Variants in CDHR3 observed in about 807,000 individuals in gnomAD.
The protein encoded by CDHR3 is cadherin-related family member 3.
A neutral mutation model predicts 86.6 loss-of-function variants in CDHR3; 79 were observed. The observed-to-expected ratio is 0.91, with a 90% CI of 0.76 to 1.10. The LOEUF is 1.10. CDHR3 is among the 50% of genes least tolerant of loss of function. The pLI, the probability that CDHR3 is intolerant of heterozygous loss-of-function variation, is 0.00. For synonymous variants in CDHR3, 421 were observed against 402.4 expected, an observed-to-expected ratio of 1.05 and a Z score of -0.55; for missense variants, 1,081 against 1,077.6, an observed-to-expected ratio of 1.00 and a Z score of -0.04.
intron 4 of CDHR3, among the ~76,000 whole-genome samples, chr7:105,988,870 C>T (rs1188606660): frequency 6.6e-6 from 1 of 152,210 alleles, no homozygotes; most frequent in Non-Finnish European, 1.5e-5. Flanking sequence ...AATATTTCAG[C>T]ATAGTCAACA....
At position 105,996,337 on chromosome 7, in the gene CDHR3, A is replaced by C. The variant is rs1257723984; in HGVS notation, c.696A>C (p.Glu232Asp). The change falls in exon 6 of 19, where the codon GAA becomes GAC. Residue 232 changes from glutamate to aspartate, a missense_variant. By Grantham distance (45) the Glu-to-Asp change is conservative. Coordinates refer to ENST00000317716, the MANE Select transcript of CDHR3 (RefSeq NM_152750.5). ...TGAACATCGTGAACCTCAACGACGA[A>C]GTCCCTCGCTTTACCAGGTAGGCCT... Reference protein sequence around the residue: ...LQVNIVNLNDEVPRFTSPTRV... With the variant: ...LQVNIVNLNDDVPRFTSPTRV... The C allele has an allele frequency of 2.5e-6, 4 of 1,593,532 alleles. No individual in the cohort carries two copies. Among genetic ancestry groups the C allele is most frequent in the Admixed American group, 1.7e-5 (1 of 59,348 alleles).
At chr7:105,999,414 A>G (rs1405328561) in intron 6 of CDHR3, among the ~76,000 whole-genome samples, 1 of 152,184 alleles carries the variant, frequency 6.6e-6, no homozygotes, top group Non-Finnish European at 1.5e-5. Context: ...TTCAGAGCAG[A>G]GTTTCTTAAA....
intron 1 of CDHR3, 141 bp downstream of exon 1, chr7:105,963,505 G>A: frequency 1.2e-6 from 1 of 864,352 alleles, no homozygotes; most frequent in East Asian, 2.4e-5. Flanking sequence ...TGAATGAGGT[G>A]ATGCCGCTCC....
chr7:106,022,199 T>A lies in CDHR3; in HGVS notation c.1827T>A (p.Gly609=). Residue 609 remains glycine (G), a splice_region_variant and synonymous_variant, in exon 14 of 19, where the codon GGT becomes GGA. Transcript: ENST00000317716. ...ACCCCTGCATCAAATCTCATTTAGG[T>A]AACGTCAACAATCATTTCACCTTCT... is the stretch of plus-strand genomic sequence containing the variant. ...PRSFRYSIGP[G]NVNNHFTFSP... The A allele has an allele frequency of 6.2e-7, 1 of 1,613,984 alleles. No individual in the cohort carries two copies. The highest frequency in any genetic ancestry group is 8.5e-7 in the Non-Finnish European group (1 of 1,179,872).
intron 1 of CDHR3, among the ~76,000 whole-genome samples, chr7:105,965,620 G>A (rs1015819560): frequency 1.0e-4 from 13 of 129,056 alleles, no homozygotes; most frequent in Non-Finnish European, 1.7e-4. Flanking sequence ...GAGTGCTCCT[G>A]CTGTTGCACC....
rs3999857 is a variant in CDHR3, at chr7:105,985,058, CAAAAAAA to C, written c.513+781_513+787del. 9.7e-3 allele frequency among the ~76,000 whole-genome samples: 1,368 copies of C among 141,376 alleles called. 25 individuals are homozygous for C. The highest frequency in any genetic ancestry group is 0.035 in the African/African-American group (1,283 of 36,878). 92.7% of individuals were successfully genotyped at this position (141,376 alleles called of 152,430 possible). A position where few individuals can be genotyped will look rare whatever the true frequency, so the allele number is the denominator to read the frequency against. Reference sequence around the variant, plus strand: ...TGGGCAATAGAGCAAGACCCTGTCTCAAAAAAAAAAAAAAAAAATTAAGGAGTCCCCA... The same window carrying C: ...TGGGCAATAGAGCAAGACCCTGTCTCAAAAAAAAAAATTAAGGAGTCCCCA... On this transcript the variant is annotated intron_variant, in intron 4 of 18. Transcript: ENST00000317716.
At chr7:105,963,828 A>G (rs1462496037) in intron 1 of CDHR3, among the ~76,000 whole-genome samples, 3 of 152,168 alleles carry the variant, frequency 2.0e-5, no homozygotes, top group African/African-American at 7.2e-5. Context: ...ACACCTTCTG[A>G]TAGAAGGGTC....
chr7:106,015,118 G>A lies in CDHR3; in HGVS notation c.1232G>A (p.Gly411Asp), dbSNP rs756014867. The change falls in exon 10 of 19, where the codon GGT becomes GAT. Residue 411 changes from glycine to aspartate, a missense_variant. By Grantham distance (94) the Gly-to-Asp change is moderately conservative. Transcript: ENST00000317716. Reference protein sequence around the residue: ...PAGSGKIVLIGDLDYENPSNL... With the variant: ...PAGSGKIVLIDDLDYENPSNL... Reference sequence around the variant, plus strand: ...ATCTCTGTTTTAATCTAGCTGATTGGTGATCTAGACTACGAAAATCCAAGT... The same window carrying A: ...ATCTCTGTTTTAATCTAGCTGATTGATGATCTAGACTACGAAAATCCAAGT... 9 of 1,604,222 alleles carry A rather than the reference G, an allele frequency of 5.6e-6. No individual in the cohort carries two copies. The South Asian group carries it at 5.6e-5, about 10-fold the overall frequency.
chr7:106,028,954 TTC>T (rs747303425), intron 17 of CDHR3, among the ~76,000 whole-genome samples: 13 of 147,454 alleles, frequency 8.8e-5, no homozygotes, highest in Admixed American at 3.4e-4. Context: ...CTTTCTTTCT[TTC>T]TTTCTTTCTT....
At chr7:105,971,268 C>T (rs938418793) in intron 1 of CDHR3, among the ~76,000 whole-genome samples, 12 of 152,138 alleles carry the variant, frequency 7.9e-5, no homozygotes, top group Non-Finnish European at 2.9e-5. Context: ...CCCTGGCACA[C>T]ACGGCCTTGC....
chr7:105,967,076 G>T (rs1029774020), intron 1 of CDHR3, among the ~76,000 whole-genome samples: 1 of 151,894 alleles, frequency 6.6e-6, no homozygotes, highest in Non-Finnish European at 1.5e-5. Context: ...TTTACATTAG[G>T]TATATCTCCT....
rs752506656 is a variant in CDHR3, at chr7:106,013,027, T to C, written c.1220T>C (p.Ile407Thr). 5 of 1,599,548 alleles carry C rather than the reference T, an allele frequency of 3.1e-6. No individual in the cohort carries two copies. The highest frequency in any genetic ancestry group is 4.3e-6 in the Non-Finnish European group (5 of 1,173,752). The change falls in exon 9 of 19, where the codon ATT (isoleucine) becomes ACT (threonine). Residue 407 changes from isoleucine to threonine, a missense_variant. Physicochemically the swap from Ile to Thr is moderately conservative, Grantham distance 89. Transcript: ENST00000317716. ...FLQDPAGSGK[I>T]VLIGDLDYEN... is the part of the protein sequence containing the mutation. ...CAGGATCCAGCTGGCTCTGGGAAGA[T>C]TGTGGTCAGTTAATGGTCATTGCAT...
intron 4 of CDHR3, among the ~76,000 whole-genome samples, chr7:105,986,883 A>G (rs922848923): frequency 3.9e-5 from 6 of 152,148 alleles, no homozygotes; most frequent in East Asian, 1.9e-4. Flanking sequence ...GTTTTCTTCA[A>G]TTGCCAAGAT....
intron 2 of CDHR3, among the ~76,000 whole-genome samples, chr7:105,976,021 C>G (rs746896978): frequency 2.1e-4 from 32 of 152,218 alleles, no homozygotes; most frequent in Non-Finnish European, 3.8e-4. Context: ...TCTCATCACC[C>G]TGGGGGAGCC....
At chr7:106,018,268 G>A (rs939525139) in intron 12 of CDHR3, among the ~76,000 whole-genome samples, 196 bp downstream of exon 12, 2 of 152,130 alleles carry the variant, frequency 1.3e-5, no homozygotes, top group South Asian at 2.1e-4. Flanking sequence ...GCAGGGTCTC[G>A]CTCTGTTGCC....
rs2115896075 is a variant in CDHR3, at chr7:106,024,400, T to C, written c.2096T>C (p.Val699Ala). 1 of 1,614,012 alleles carries C rather than the reference T, an allele frequency of 6.2e-7. No individual in the cohort carries two copies. Among genetic ancestry groups the C allele is most frequent in the Middle Eastern group, 1.6e-4 (1 of 6,062 alleles). ...TTCAAGCCCAGGGTCACCTATCAGG[T>C]CCTGAGGAAAAACGTTTACTCTCCA... ...TTPRPRVTYQ[V>A]LRKNVYSPSA... The change falls in exon 15 of 19, where the codon GTC becomes GCC. Residue 699 changes from valine to alanine, a missense_variant. By Grantham distance (64) the Val-to-Ala change is moderately conservative. Coordinates refer to ENST00000317716, the MANE Select transcript of CDHR3 (RefSeq NM_152750.5).
In CDHR3 at chr7:106,032,703, G is replaced by T. The variant is rs751795423; in HGVS notation, c.*6G>T. 6.9e-6 allele frequency: 11 copies of T among 1,604,658 alleles called. No homozygotes were observed. Among genetic ancestry groups the T allele is most frequent in the East Asian group, 2.2e-5 (1 of 44,624 alleles). Reference sequence around the variant, plus strand: ...AACCACACCCAGGAAAGTAAACGGGGTCTAAGGAGGGGCCTGTCAATCACT... The same window carrying T: ...AACCACACCCAGGAAAGTAAACGGGTTCTAAGGAGGGGCCTGTCAATCACT... On this transcript the variant is annotated 3_prime_UTR_variant, in exon 19 of 19. Coordinates refer to ENST00000317716, the MANE Select transcript of CDHR3 (RefSeq NM_152750.5).
chr7:105,971,345 T>C (rs1827945370), intron 1 of CDHR3, among the ~76,000 whole-genome samples: 1 of 152,158 alleles, frequency 6.6e-6, no homozygotes, highest in Non-Finnish European at 1.5e-5. Flanking sequence ...AGAAAGGGCA[T>C]ATCCAAGGAC....
intron 7 of CDHR3, among the ~76,000 whole-genome samples, chr7:106,003,301 C>G (rs1198399654): frequency 1.3e-5 from 2 of 152,136 alleles, no homozygotes; most frequent in Non-Finnish European, 2.9e-5. Flanking sequence ...CTGTATGGGA[C>G]AGTGTCATCT....
Sources: allele counts gnomAD v4.1 joint callset (sites outside exome capture counted in the v4.1 genomes callset), GRCh38; gene constraint gnomAD v4.1.1; transcripts MANE v1.5; gene names NCBI Gene and HGNC (gene_info 2026-07-23, HGNC 2026-07-21).